SAMD8: variants seen among roughly 807,000 people sequenced by gnomAD.
SAMD8 encodes the protein sterile alpha motif domain containing 8.
SAMD8 carries 20 observed loss-of-function variants against 42.0 expected under a neutral mutation model. The observed-to-expected ratio is 0.48, with a 90% confidence interval of 0.34 to 0.69. The LOEUF (loss-of-function observed/expected upper bound fraction) is 0.69. Ranked by LOEUF, SAMD8 falls within the 30% of genes least tolerant of loss-of-function variation. The probability of loss-of-function intolerance (pLI) is 0.01; values close to 1 mark genes in which losing one functional copy is unlikely to be tolerated. For synonymous variants in SAMD8, 162 were observed against 173.0 expected, an observed-to-expected ratio of 0.94 and a Z score of 0.50; for missense variants, 328 against 511.6, an observed-to-expected ratio of 0.64 and a Z score of 3.46.
At chr10:75,109,358 A>G, upstream of SAMD8, 1 of 490,452 alleles carries the variant, frequency 2.0e-6, no homozygotes, top group Middle Eastern at 4.9e-4. Context: ...AGAATCAGAG[A>G]GACCTCTGCA....
intron 2 of SAMD8, among the ~76,000 whole-genome samples, chr10:75,163,626 G>A (rs1222056389): frequency 6.6e-6 from 1 of 151,826 alleles, no homozygotes; most frequent in Non-Finnish European, 1.5e-5. Context: ...GTAGAGACCT[G>A]GGAGTTGGGG....
intron 4 of SAMD8, among the ~76,000 whole-genome samples, chr10:75,171,262 G>T (rs1840859186): frequency 6.9e-6 from 1 of 143,964 alleles, no homozygotes; most frequent in African/African-American, 2.6e-5. Flanking sequence ...TGCCTCCCAG[G>T]TTCATGCCAT....
intron 4 of SAMD8, among the ~76,000 whole-genome samples, chr10:75,172,342 G>GT (rs778792347): frequency 2.0e-5 from 3 of 151,890 alleles, no homozygotes; most frequent in South Asian, 2.1e-4. Flanking sequence ...TTTAGTCATT[G>GT]TTTTTTTAAG....
chr10:75,113,812 A>C (rs2134413395), intron 1 of SAMD8, among the ~76,000 whole-genome samples: 1 of 152,304 alleles, frequency 6.6e-6, no homozygotes, highest in East Asian at 1.9e-4. Flanking sequence ...TTATCTTTAG[A>C]GTGAGATCCT....
rs1406361879 is a variant in SAMD8, at chr10:75,169,685, G to A, written c.792+1027G>A. ...TCCCAGCACTTTGGGAGGCCAAGGC[G>A]GGTGGATCACCTGAGGTCAGGAGTT... On this transcript the variant is annotated intron_variant, in intron 4 of 5. Transcript: ENST00000542569. 2.6e-5 allele frequency among the ~76,000 whole-genome samples: 4 copies of A among 152,266 alleles called. No homozygotes were observed. In the East Asian group the frequency reaches 7.7e-4, roughly 29 times the overall value.
chr10:75,144,203 C>T (rs967092818), intron 1 of SAMD8, among the ~76,000 whole-genome samples: 3 of 60,440 alleles, frequency 5.0e-5, no homozygotes, highest in Non-Finnish European at 2.5e-5. Context: ...CTCTTGACCT[C>T]GTGACCGCCT....
At chr10:75,155,385 T>C (rs757744197) in intron 2 of SAMD8, among the ~76,000 whole-genome samples, 11 of 151,690 alleles carry the variant, frequency 7.3e-5, no homozygotes, top group Admixed American at 4.6e-4. Flanking sequence ...TTCAGAGAGA[T>C]TGAGAGAGAC....
At chr10:75,115,606 C>T (rs973234009) in intron 1 of SAMD8, among the ~76,000 whole-genome samples, 4 of 152,152 alleles carry the variant, frequency 2.6e-5, no homozygotes, top group East Asian at 1.9e-4. Context: ...TTCATGTTTC[C>T]GTATTGAAAT....
intron 1 of SAMD8, among the ~76,000 whole-genome samples, chr10:75,122,085 T>C (rs1452056065): frequency 2.0e-5 from 3 of 152,196 alleles, no homozygotes; most frequent in Non-Finnish European, 4.4e-5. Flanking sequence ...TTTTTCAAAA[T>C]CATATCACAT....
At chr10:75,171,004 AC>A (rs1458654095) in intron 4 of SAMD8, among the ~76,000 whole-genome samples, 2 of 150,992 alleles carry the variant, frequency 1.3e-5, no homozygotes, top group African/African-American at 4.9e-5. Flanking sequence ...CAGGTGATCC[AC>A]CCGCCTTGGC....
intron 1 of SAMD8, among the ~76,000 whole-genome samples, chr10:75,106,505 A>T (rs1258663396): frequency 2.0e-5 from 3 of 152,112 alleles, no homozygotes; most frequent in African/African-American, 7.2e-5. Context: ...CGCTCAAAGT[A>T]TTGCTTGAAT....
At chr10:75,106,073 C>T (rs534615054) in intron 1 of SAMD8, among the ~76,000 whole-genome samples, 126 of 151,180 alleles carry the variant, frequency 8.3e-4, no homozygotes, top group African/African-American at 3.0e-3. Flanking sequence ...GGATAGGGTC[C>T]GAATTTCTTT....
chr10:75,132,103 T>TA (rs959962279), intron 1 of SAMD8, among the ~76,000 whole-genome samples: 2 of 152,186 alleles, frequency 1.3e-5, no homozygotes, highest in Non-Finnish European at 2.9e-5. Context: ...TTTTATATCC[T>TA]ACACTGTCTA....
chr10:75,107,346 G>GAA (rs750968267), upstream of SAMD8, among the ~76,000 whole-genome samples: 2 of 116,226 alleles, frequency 1.7e-5, no homozygotes, highest in Non-Finnish European at 3.6e-5. Flanking sequence ...CTCTGTCTCA[G>GAA]AAAAAAAAAA....
rs772783887 is a variant in SAMD8, at chr10:75,176,182, C to T, written c.909C>T (p.Val303=). 1.9e-6 allele frequency: 3 copies of T among 1,614,192 alleles called. No homozygotes were observed. Among genetic ancestry groups the T allele is most frequent in the East Asian group, 2.2e-5 (1 of 44,892 alleles). The change falls in exon 5 of 6, where the codon GTC becomes GTT. Residue 303 remains valine (V), a synonymous_variant. Coordinates refer to ENST00000542569, the MANE Select transcript of SAMD8 (RefSeq NM_001174156.2). This position sits in a 1 kb window ranked among gnomAD's most constrained non-coding sequence, Gnocchi z 4.3. ...ATTACATGTTTAGTGGCCACACAGTCGTCCTAACTATGCTGAATTTCTTTG... is the reference window on the plus strand; with the variant it reads ...ATTACATGTTTAGTGGCCACACAGTTGTCCTAACTATGCTGAATTTCTTTG... ...CGDYMFSGHT[V]VLTMLNFFVT... is the part of the protein sequence containing the mutation.
chr10:75,129,517 T>G (rs775549782), intron 1 of SAMD8, among the ~76,000 whole-genome samples: 12 of 152,142 alleles, frequency 7.9e-5, no homozygotes, highest in Admixed American at 3.3e-4. Flanking sequence ...GAATTACAGG[T>G]GTGAGCCACC....
intron 1 of SAMD8, among the ~76,000 whole-genome samples, chr10:75,133,663 T>G (rs1424941981): frequency 6.6e-6 from 1 of 152,170 alleles, no homozygotes; most frequent in African/African-American, 2.4e-5. Flanking sequence ...TGCAGCAACA[T>G]GGATGAATCT....
intron 1 of SAMD8, among the ~76,000 whole-genome samples, chr10:75,148,346 C>CTTGTTTTTTTTTTT (rs1840193237): frequency 1.2e-5 from 1 of 82,564 alleles, no homozygotes; most frequent in African/African-American, 6.5e-5. Flanking sequence ...GCAATACCAG[C>CTTGTTTTTTTTTTT]TTTTTTTTTT....
At chr10:75,152,068 T>A (rs571242944) in intron 2 of SAMD8, among the ~76,000 whole-genome samples, 249 of 151,594 alleles carry the variant, frequency 1.6e-3, no homozygotes, top group African/African-American at 5.6e-3. Context: ...TATTTTTTTT[T>A]AAATGAAGAA....
Sources: gnomAD v4.1 joint callset for allele counts (sites outside exome capture counted in the v4.1 genomes callset) on GRCh38, gnomAD v4.1.1 for gene constraint, Gnocchi (gnomAD v3.1) non-coding constraint, MANE v1.5 for transcripts, NCBI Gene and HGNC (gene_info 2026-07-23, HGNC 2026-07-21) for gene names.